The following KCNIP4 variants were observed in gnomAD, a reference collection of about 807,000 sequenced individuals.
The protein encoded by KCNIP4 is potassium voltage-gated channel interacting protein 4.
KCNIP4 carries 12 observed loss-of-function variants against 34.0 expected under a neutral mutation model. The observed-to-expected ratio is 0.35, with a 90% confidence interval of 0.23 to 0.57. The LOEUF is 0.57. KCNIP4 is among the 20% of genes least tolerant of loss of function. The pLI is 0.83. For synonymous variants in KCNIP4, 124 were observed against 102.2 expected, an observed-to-expected ratio of 1.21 and a Z score of -1.29; for missense variants, 238 against 311.7, an observed-to-expected ratio of 0.76 and a Z score of 1.78.
intron 1 of KCNIP4, among the ~76,000 whole-genome samples, chr4:20,930,661 A>C (rs114661370): frequency 6.6e-6 from 1 of 152,112 alleles, no homozygotes; most frequent in Non-Finnish European, 1.5e-5. Context: ...ACAAATGAGT[A>C]ACAGAAACAA....
chr4:21,224,317 T>A (rs1277636799), intron 1 of KCNIP4, among the ~76,000 whole-genome samples: 1 of 152,084 alleles, frequency 6.6e-6, no homozygotes, highest in African/African-American at 2.4e-5. Context: ...AGCCATCTTC[T>A]TGCAGAGAGG....
intron 1 of KCNIP4, among the ~76,000 whole-genome samples, chr4:21,229,449 A>G (rs1297305346): frequency 6.6e-6 from 1 of 152,116 alleles, no homozygotes; most frequent in East Asian, 1.9e-4. Flanking sequence ...ACTCTCTGTA[A>G]GTGTCTCACA....
intron 1 of KCNIP4, among the ~76,000 whole-genome samples, chr4:21,409,800 C>A (rs530593655): frequency 1.8e-4 from 28 of 152,232 alleles, no homozygotes; most frequent in African/African-American, 6.5e-4. Context: ...GGGGACCATG[C>A]ATGACAGAGA....
chr4:21,126,268 C>T (rs577539067), intron 1 of KCNIP4, among the ~76,000 whole-genome samples: 25 of 152,214 alleles, frequency 1.6e-4, no homozygotes, highest in African/African-American at 3.4e-4. Flanking sequence ...GAGACCATTA[C>T]GGCCATCTGG....
chr4:21,778,435 ATG>A (rs1310282605), intron 1 of KCNIP4, among the ~76,000 whole-genome samples: 1 of 151,504 alleles, frequency 6.6e-6, no homozygotes, highest in Non-Finnish European at 1.5e-5. Context: ...GGATCGCATC[ATG>A]TTACCCAGGC....
chr4:20,958,468 C>T (rs910704616), intron 1 of KCNIP4, among the ~76,000 whole-genome samples: 1 of 152,162 alleles, frequency 6.6e-6, no homozygotes, highest in African/African-American at 2.4e-5. Flanking sequence ...TGGAGGGTAA[C>T]ATATGTACAG....
intron 1 of KCNIP4, among the ~76,000 whole-genome samples, chr4:21,254,432 T>TC (rs1359424528): frequency 6.6e-6 from 1 of 152,172 alleles, no homozygotes; most frequent in Non-Finnish European, 1.5e-5. Context: ...TTCCCAGTCT[T>TC]CACTGCAGAC....
intron 1 of KCNIP4, among the ~76,000 whole-genome samples, chr4:21,644,325 T>G (rs1357980743): frequency 1.3e-5 from 2 of 152,074 alleles, no homozygotes; most frequent in Non-Finnish European, 1.5e-5. Flanking sequence ...CTTACAGAAC[T>G]CATGTCCAAC....
At chr4:20,825,743 C>A (rs10013103) in intron 3 of KCNIP4, among the ~76,000 whole-genome samples, 66,323 of 151,942 alleles carry the variant, frequency 0.44, 15,593 homozygotes, top group Non-Finnish European at 0.53. Context: ...TGGGTGTGCT[C>A]TTCTTAGGAG....
At chr4:20,733,671 G>T (rs983580785) in intron 6 of KCNIP4, among the ~76,000 whole-genome samples, 1 of 152,068 alleles carries the variant, frequency 6.6e-6, no homozygotes, top group Non-Finnish European at 1.5e-5. Flanking sequence ...GATATTTAAG[G>T]TATCCTAAGT....
chr4:20,763,956 A>C (rs1199852469), intron 3 of KCNIP4, among the ~76,000 whole-genome samples: 1 of 152,206 alleles, frequency 6.6e-6, no homozygotes, highest in Non-Finnish European at 1.5e-5. Flanking sequence ...TCAAGTAAAC[A>C]AGTACAATGA....
intron 1 of KCNIP4, among the ~76,000 whole-genome samples, chr4:21,759,746 G>C (rs1717914724): frequency 2.0e-5 from 3 of 152,004 alleles, no homozygotes. Flanking sequence ...CAGTAGACCT[G>C]GAATGACAAC....
At chr4:21,893,329 G>A (rs952345164) in intron 1 of KCNIP4, among the ~76,000 whole-genome samples, 3 of 152,102 alleles carry the variant, frequency 2.0e-5, no homozygotes, top group Admixed American at 6.6e-5. Context: ...CTCCACTTAC[G>A]AAATGAACAC....
intron 1 of KCNIP4, among the ~76,000 whole-genome samples, chr4:21,717,732 C>T (rs1560660189): frequency 1.3e-5 from 2 of 152,130 alleles, no homozygotes; most frequent in African/African-American, 2.4e-5. Context: ...TCTTTTCCTC[C>T]TATGTTTTCT....
chr4:20,931,656 T>G (rs572505392), intron 1 of KCNIP4, among the ~76,000 whole-genome samples: 35 of 152,300 alleles, frequency 2.3e-4, no homozygotes, highest in Non-Finnish European at 4.0e-4. Flanking sequence ...ATATGTAGTT[T>G]ATCATTGATT....
At chr4:21,123,300 AG>A (rs1480433085) in intron 1 of KCNIP4, among the ~76,000 whole-genome samples, 1 of 152,226 alleles carries the variant, frequency 6.6e-6, no homozygotes, top group Non-Finnish European at 1.5e-5. Flanking sequence ...GTAATGTGAC[AG>A]GGACTGTTCT....
chr4:21,442,796 T>C (rs1727603566), intron 1 of KCNIP4, among the ~76,000 whole-genome samples: 3 of 152,192 alleles, frequency 2.0e-5, no homozygotes, highest in African/African-American at 7.2e-5. Context: ...TAGCTTTAAA[T>C]ACCTTTGATA....
chr4:21,722,787 T>C (rs1714914089), intron 1 of KCNIP4, among the ~76,000 whole-genome samples: 1 of 152,152 alleles, frequency 6.6e-6, no homozygotes, highest in Admixed American at 6.6e-5. Context: ...CATTTTACTG[T>C]GCATATTACG....
At chr4:20,749,482 A>C (rs1417323103) in intron 5 of KCNIP4, among the ~76,000 whole-genome samples, 180 bp downstream of exon 5, 2 of 152,164 alleles carry the variant, frequency 1.3e-5, no homozygotes, top group Non-Finnish European at 2.9e-5. Flanking sequence ...AATAAACTGA[A>C]TGTGGCTTGC....
Sources: gnomAD v4.1 joint callset for allele counts (sites outside exome capture counted in the v4.1 genomes callset) on GRCh38, gnomAD v4.1.1 for gene constraint, MANE v1.5 for transcripts, NCBI Gene and HGNC (gene_info 2026-07-23, HGNC 2026-07-21) for gene names.